RAP1GDS1: variants seen among roughly 807,000 people sequenced by gnomAD.
The protein encoded by RAP1GDS1 is Rap1 GTPase-GDP dissociation stimulator 1.
A neutral mutation model predicts 71.1 loss-of-function variants in RAP1GDS1; 35 were observed. That is an observed-to-expected ratio of 0.49 (90% CI 0.38 to 0.65). The LOEUF (loss-of-function observed/expected upper bound fraction) is 0.65, where lower values mean the gene tolerates loss of function less well. RAP1GDS1 is among the 30% of genes least tolerant of loss of function. The pLI is 0.00. For synonymous variants in RAP1GDS1, 229 were observed against 243.1 expected (o/e 0.94, Z 0.54); for missense variants, 663 against 706.1 (o/e 0.94, Z 0.69).
At chr4:98,266,773 C>T (rs1256554337) in intron 1 of RAP1GDS1, among the ~76,000 whole-genome samples, 1 of 152,138 alleles carries the variant, frequency 6.6e-6, no homozygotes. Context: ...TGTACTACTA[C>T]TATTTGAAAA....
At chr4:98,300,771 G>C (rs757139370) in intron 2 of RAP1GDS1, among the ~76,000 whole-genome samples, 31 of 152,132 alleles carry the variant, frequency 2.0e-4, no homozygotes, top group Non-Finnish European at 3.7e-4. Context: ...AAACTGGTGT[G>C]ATTTGCTTTA....
intron 2 of RAP1GDS1, among the ~76,000 whole-genome samples, chr4:98,338,069 G>GA (rs1225529108): frequency 1.3e-5 from 2 of 152,134 alleles, no homozygotes; most frequent in Non-Finnish European, 2.9e-5. Flanking sequence ...TTTAACAAGG[G>GA]TCTGAACTGA....
chr4:98,429,829 C>G (rs1216299229), intron 12 of RAP1GDS1, among the ~76,000 whole-genome samples: 1 of 151,818 alleles, frequency 6.6e-6, no homozygotes, highest in African/African-American at 2.4e-5. Context: ...TTGGAACTCT[C>G]AGATAAATTC....
chr4:98,394,894 T>G (rs1236458565), intron 6 of RAP1GDS1, among the ~76,000 whole-genome samples: 1 of 152,164 alleles, frequency 6.6e-6, no homozygotes, highest in African/African-American at 2.4e-5. Flanking sequence ...TCAAACTTTT[T>G]GACTATGGCC....
In RAP1GDS1 at chr4:98,332,196, T is replaced by C. The variant is rs144968738; in HGVS notation, c.113-10943T>C. Among the ~76,000 whole-genome samples the C allele has an allele frequency of 2.9e-3, 447 of 152,260 alleles. 1 individual carries two copies. The highest frequency in any genetic ancestry group is 5.1e-3 in the Non-Finnish European group (348 of 68,014). The stretch of plus-strand genomic sequence containing the variant: ...TCAGGTTAATCAGACAAAGGAGAAG[T>C]GTGTCTAAGGTTATGACTCTACACC... On this transcript the variant is annotated intron_variant, in intron 2 of 14. Transcript: ENST00000408927.
At chr4:98,330,672 G>A (rs1733845591) in intron 2 of RAP1GDS1, among the ~76,000 whole-genome samples, 1 of 151,108 alleles carries the variant, frequency 6.6e-6, no homozygotes, top group Non-Finnish European at 1.5e-5. Flanking sequence ...ATGACGGCCG[G>A]GAAGAGGCGC....
intron 6 of RAP1GDS1, among the ~76,000 whole-genome samples, chr4:98,398,517 G>A (rs1744887822): frequency 6.6e-6 from 1 of 152,128 alleles, no homozygotes; most frequent in Admixed American, 6.5e-5. Flanking sequence ...TGAGTCCGTG[G>A]ACATATGTCT....
intron 4 of RAP1GDS1, 73 bp downstream of exon 4, chr4:98,352,674 T>C: frequency 6.5e-7 from 1 of 1,533,330 alleles, no homozygotes. Flanking sequence ...TGCTTTTGTG[T>C]TAGCAGTGAC....
chr4:98,334,006 T>A (rs766473415), intron 2 of RAP1GDS1, among the ~76,000 whole-genome samples: 1 of 152,170 alleles, frequency 6.6e-6, no homozygotes, highest in African/African-American at 2.4e-5. Context: ...CAAAAATGTA[T>A]GCTGATAATT....
chr4:98,418,521 A>G (rs970838441), intron 9 of RAP1GDS1, 136 bp from the exon 10 acceptor site: 2 of 841,782 alleles, frequency 2.4e-6, no homozygotes, highest in Non-Finnish European at 3.3e-6. Context: ...TATAAATCTG[A>G]TGGGAGAAAG....
At chr4:98,347,659 CA>C (rs1401443723) in intron 3 of RAP1GDS1, among the ~76,000 whole-genome samples, 1 of 152,180 alleles carries the variant, frequency 6.6e-6, no homozygotes, top group Non-Finnish European at 1.5e-5. Context: ...ATCTTGGTTT[CA>C]GCCTCTTTCC....
intron 2 of RAP1GDS1, among the ~76,000 whole-genome samples, chr4:98,321,085 T>A (rs768461626): frequency 0.062 from 9,062 of 145,416 alleles, 205 homozygotes; most frequent in Middle Eastern, 0.13. Context: ...AAGGAGCTGA[T>A]GGAGCTGAAA....
intron 2 of RAP1GDS1, among the ~76,000 whole-genome samples, chr4:98,340,163 C>T (rs192806104): frequency 4.6e-5 from 7 of 152,192 alleles, no homozygotes; most frequent in African/African-American, 1.2e-4. Flanking sequence ...TTCTACCCAA[C>T]AATTGTATTA....
chr4:98,284,787 G>A (rs28630395), intron 1 of RAP1GDS1, among the ~76,000 whole-genome samples: 64,164 of 152,002 alleles, frequency 0.42, 16,730 homozygotes, highest in African/African-American at 0.74. Context: ...GGAGGTTGCT[G>A]TGTCAGGAAG....
chr4:98,292,801 A>C (rs1727168037), intron 1 of RAP1GDS1, among the ~76,000 whole-genome samples: 1 of 152,146 alleles, frequency 6.6e-6, no homozygotes, highest in African/African-American at 2.4e-5. Context: ...AATAGTGTAA[A>C]GAGGTTTTGA....
chr4:98,404,434 T>A (rs1189549290), intron 6 of RAP1GDS1, 43 bp from the exon 7 acceptor site: 2 of 1,528,510 alleles, frequency 1.3e-6, no homozygotes. Flanking sequence ...GAAAACAGTT[T>A]CTGGACTTTA....
chr4:98,374,146 A>G (rs1740818560), intron 4 of RAP1GDS1, among the ~76,000 whole-genome samples: 1 of 152,132 alleles, frequency 6.6e-6, no homozygotes, highest in South Asian at 2.1e-4. Flanking sequence ...CTTAGGTTAG[A>G]CCATTTGCTA....
At chr4:98,423,098 A>T (rs1301590407) in intron 12 of RAP1GDS1, among the ~76,000 whole-genome samples, 3 of 152,274 alleles carry the variant, frequency 2.0e-5, no homozygotes, top group Non-Finnish European at 4.4e-5. Context: ...AAATAAAAAC[A>T]GCTAGCTTAA....
intron 4 of RAP1GDS1, among the ~76,000 whole-genome samples, chr4:98,368,936 T>C (rs1484851657): frequency 1.3e-5 from 2 of 152,192 alleles, no homozygotes; most frequent in African/African-American, 4.8e-5. Flanking sequence ...CACATGCTAG[T>C]CAAGACATAC....
Sources: gnomAD v4.1 joint callset for allele counts (sites outside exome capture counted in the v4.1 genomes callset) on GRCh38, gnomAD v4.1.1 for gene constraint, MANE v1.5 for transcripts, NCBI Gene and HGNC (gene_info 2026-07-23, HGNC 2026-07-21) for gene names.